The following CALCOCO2 variants were observed in gnomAD, a reference collection of about 807,000 sequenced individuals.
CALCOCO2 encodes calcium-binding and coiled-coil domain-containing protein 2.
Under a neutral mutation model 62.5 loss-of-function variants are expected in CALCOCO2, and 42 were observed. That is an observed-to-expected ratio of 0.67 (90% CI 0.53 to 0.87). The LOEUF (loss-of-function observed/expected upper bound fraction) is 0.87, where lower values mean the gene tolerates loss of function less well. Among genes scored for constraint, CALCOCO2 ranks in the 40% least tolerant of loss-of-function variants. The probability of loss-of-function intolerance (pLI) is 0.00; values close to 1 mark genes in which losing one functional copy is unlikely to be tolerated. For missense variants in CALCOCO2, 456 were observed against 515.0 expected (o/e 0.89, Z 1.11); for synonymous variants, 167 against 173.0 (o/e 0.97, Z 0.27).
intron 2 of CALCOCO2, among the ~76,000 whole-genome samples, chr17:48,843,313 T>C (rs16944115): frequency 0.11 from 17,299 of 152,158 alleles, 1,784 homozygotes; most frequent in African/African-American, 0.28. Context: ...ACAAATCTTC[T>C]TATTTCCAGA....
In CALCOCO2 at chr17:48,840,440, C is replaced by T. The variant is rs531344783; in HGVS notation, c.-10-1258C>T. Among the ~76,000 whole-genome samples, 8 of 152,288 alleles carry T rather than the reference C, an allele frequency of 5.3e-5. No homozygotes were observed. The South Asian group carries it at 1.4e-3, about 28-fold the overall frequency. On this transcript the variant is annotated intron_variant, in intron 1 of 12. Transcript: ENST00000258947. ...GCCACTGTGCCCAGCCACAACTTTCCTATTCTTGATCACATTTTATCTGTA... is the reference window on the plus strand; with the variant it reads ...GCCACTGTGCCCAGCCACAACTTTCTTATTCTTGATCACATTTTATCTGTA...
At position 48,843,538 on chromosome 17, in the gene CALCOCO2, T is replaced by A. The variant is rs973753332; in HGVS notation, c.180+1651T>A. On this transcript the variant is annotated intron_variant, in intron 2 of 12. Transcript: ENST00000258947. The stretch of plus-strand genomic sequence containing the variant: ...ATAATTGTTTGGAACATCAAGCTTA[T>A]TGATGAGCAACGGAAGCTGGAGGTA... Among the ~76,000 whole-genome samples, 3 of 152,194 alleles carry A rather than the reference T, an allele frequency of 2.0e-5. No homozygotes were observed. The East Asian group carries it at 5.8e-4, about 29-fold the overall frequency.
intron 2 of CALCOCO2, among the ~76,000 whole-genome samples, chr17:48,845,859 AG>A (rs1249519301): frequency 6.6e-6 from 1 of 152,150 alleles, no homozygotes; most frequent in Admixed American, 6.6e-5. Flanking sequence ...GACTTTCCCA[AG>A]GCCTCACAGT....
chr17:48,851,753 A>G (rs1487338743), intron 7 of CALCOCO2, 125 bp downstream of exon 7: 1 of 681,992 alleles, frequency 1.5e-6, no homozygotes, highest in African/African-American at 1.8e-5. Flanking sequence ...AAAGTATCAC[A>G]CTAAAGTTTC....
At position 48,863,221 on chromosome 17, in the gene CALCOCO2, ACT is replaced by A; in HGVS notation, c.*219_*220del. 1 of 506,272 alleles carries A rather than the reference ACT, an allele frequency of 2.0e-6. No individual in the cohort carries two copies. The highest frequency in any genetic ancestry group is 2.1e-5 in the South Asian group (1 of 48,632). 31.4% of individuals were successfully genotyped at this position (506,272 alleles called of 1,614,324 possible). A position where few individuals can be genotyped will look rare whatever the true frequency, so the allele number is the denominator to read the frequency against. On this transcript the variant is annotated 3_prime_UTR_variant, in exon 13 of 13. Coordinates refer to ENST00000258947, the MANE Select transcript of CALCOCO2 (RefSeq NM_005831.5). ...TGGGTTGCTACCTTTAAGTCGCATA[ACT>A]CTAGCTGTATCATCCTCTCACCTGT...
At position 48,856,158 on chromosome 17, in the gene CALCOCO2, CAGAA is replaced by C. The variant is rs1197781720; in HGVS notation, c.983_986del (p.Lys328ArgfsTer10). 1.9e-6 allele frequency: 3 copies of C among 1,600,354 alleles called. No individual in the cohort carries two copies. The highest frequency in any genetic ancestry group is 1.7e-6 in the Non-Finnish European group (2 of 1,168,970). ...AATTATATGTAATGCTCTGCAGAGA[CAGAA>C]AGAGAGATTGGAAGGAGAAAATGAT... On this transcript the variant is annotated frameshift_variant, in exon 10 of 13. Transcript: ENST00000258947. LOFTEE classifies it high-confidence loss of function.
chr17:48,859,045 CAAAAAAAAAAAA>C (rs61643790), intron 10 of CALCOCO2, among the ~76,000 whole-genome samples: 9 of 35,624 alleles, frequency 2.5e-4, no homozygotes, highest in African/African-American at 4.8e-4. Context: ...GACTCTGTCT[CAAAAAAAAAAAA>C]AAAAAAAAAA....
At chr17:48,857,651 A>AT (rs946952838) in intron 10 of CALCOCO2, among the ~76,000 whole-genome samples, 70 of 148,882 alleles carry the variant, frequency 4.7e-4, no homozygotes, top group African/African-American at 1.7e-3. Flanking sequence ...CATTTTTACT[A>AT]TTTTTTTCTT....
intron 10 of CALCOCO2, among the ~76,000 whole-genome samples, chr17:48,859,626 A>T (rs1199645567): frequency 6.6e-6 from 1 of 152,038 alleles, no homozygotes; most frequent in Non-Finnish European, 1.5e-5. Context: ...TAACAACAAC[A>T]ATAATAATAT....
intron 2 of CALCOCO2, among the ~76,000 whole-genome samples, chr17:48,845,162 A>G (rs757944756): frequency 6.6e-6 from 1 of 151,938 alleles, no homozygotes; most frequent in Non-Finnish European, 1.5e-5. Flanking sequence ...TTAAAGATGT[A>G]TCTATATTTG....
chr17:48,836,976 C>A (rs1305866396), intron 1 of CALCOCO2, among the ~76,000 whole-genome samples: 1 of 152,084 alleles, frequency 6.6e-6, no homozygotes, highest in Non-Finnish European at 1.5e-5. Context: ...AGCCAGCCTG[C>A]TCTTGAACTC....
intron 10 of CALCOCO2, among the ~76,000 whole-genome samples, chr17:48,857,713 G>A (rs890147050): frequency 2.7e-5 from 4 of 148,964 alleles, no homozygotes; most frequent in Non-Finnish European, 5.9e-5. Flanking sequence ...GGTGGCTCAC[G>A]CCTGTAATCC....
rs2040371646 is a variant in CALCOCO2 at position 48,864,817 on chromosome 17, C to T, written c.*1812C>T. 1 of 152,178 alleles carries T rather than the reference C, an allele frequency of 6.6e-6. No individual in the cohort carries two copies. The highest frequency in any genetic ancestry group is 1.5e-5 in the Non-Finnish European group (1 of 68,034). 9.4% of individuals were successfully genotyped at this position (152,178 alleles called of 1,614,324 possible). A position where few individuals can be genotyped will look rare whatever the true frequency, so the allele number is the denominator to read the frequency against. On this transcript the variant is annotated 3_prime_UTR_variant, in exon 13 of 13. Transcript: ENST00000258947. Reference sequence around the variant, plus strand: ...AATAAGACCTGAGATTAACACTAACCCTAGAATAGAAATGTAATAGGGAGA... The same window carrying T: ...AATAAGACCTGAGATTAACACTAACTCTAGAATAGAAATGTAATAGGGAGA...
chr17:48,835,769 C>A (rs2039882735), intron 1 of CALCOCO2, among the ~76,000 whole-genome samples: 1 of 143,150 alleles, frequency 7.0e-6, no homozygotes, highest in Admixed American at 7.0e-5. Context: ...TTTTTTGAGA[C>A]AGAGTTTTTT....
intron 10 of CALCOCO2, among the ~76,000 whole-genome samples, chr17:48,857,712 C>G (rs1046718697): frequency 1.3e-4 from 19 of 149,434 alleles, no homozygotes; most frequent in African/African-American, 3.9e-4. Flanking sequence ...CGGTGGCTCA[C>G]GCCTGTAATC....
intron 1 of CALCOCO2, chr17:48,841,427 A>G: frequency 3.8e-6 from 1 of 263,204 alleles, no homozygotes; most frequent in Non-Finnish European, 7.2e-6. Flanking sequence ...AAGGGGAACT[A>G]AAGTAGCTAT....
intron 4 of CALCOCO2, chr17:48,848,960 C>T (rs953536094): frequency 1.6e-5 from 7 of 433,730 alleles, no homozygotes; most frequent in African/African-American, 1.4e-4. Flanking sequence ...GAGCTAAGTC[C>T]ATTGGGAGAG....
At chr17:48,858,642 C>T (rs2040278702) in intron 10 of CALCOCO2, among the ~76,000 whole-genome samples, 1 of 151,594 alleles carries the variant, frequency 6.6e-6, no homozygotes, top group Admixed American at 6.6e-5. Context: ...TTCCCATTCT[C>T]TTAATTTATA....
In CALCOCO2 at chr17:48,840,481, GTGAAACACAGTGTATTATCCCCAT is replaced by G. The variant is rs1197289924; in HGVS notation, c.-10-1215_-10-1192del. ...TTTATCTGTACTATAACCTAGAAAG[GTGAAACACAGTGTATTATCCCCAT>G]TTATAGCTAGGGATCCAAACTTGTT... is the stretch of plus-strand genomic sequence containing the variant. On this transcript the variant is annotated intron_variant, in intron 1 of 12. Coordinates refer to ENST00000258947, the MANE Select transcript of CALCOCO2 (RefSeq NM_005831.5). Among the ~76,000 whole-genome samples the G allele has an allele frequency of 3.3e-5, 5 of 152,264 alleles. No homozygotes were observed. In the East Asian group the frequency reaches 9.6e-4, roughly 29 times the overall value.
Sources: allele counts gnomAD v4.1 joint callset (sites outside exome capture counted in the v4.1 genomes callset), GRCh38; gene constraint gnomAD v4.1.1; transcripts MANE v1.5; gene names NCBI Gene and HGNC (gene_info 2026-07-23, HGNC 2026-07-21).